Variants in CLSTN2 observed in about 807,000 individuals in gnomAD.
The protein encoded by CLSTN2 is calsyntenin-2.
CLSTN2 carries 48 observed loss-of-function variants against 101.2 expected under a neutral mutation model. The observed-to-expected ratio is 0.47, with a 90% confidence interval of 0.38 to 0.60. The LOEUF is 0.60. Among genes scored for constraint, CLSTN2 ranks in the 20% least tolerant of loss-of-function variants. CLSTN2 has a pLI of 0.00. For missense variants in CLSTN2, 1,160 were observed against 1,238.2 expected (o/e 0.94, Z 0.95); for synonymous variants, 481 against 463.6 (o/e 1.04, Z -0.48).
intron 2 of CLSTN2, among the ~76,000 whole-genome samples, chr3:140,277,110 G>A (rs2086802515): frequency 6.6e-6 from 1 of 152,202 alleles, no homozygotes; most frequent in African/African-American, 2.4e-5. Context: ...ATTACAGTAA[G>A]TCATAGATGC....
At chr3:140,563,031 G>T (rs756740818) in intron 14 of CLSTN2, 49 bp from the exon 15 acceptor site, 1 of 1,611,318 alleles carries the variant, frequency 6.2e-7, no homozygotes, top group Non-Finnish European at 8.5e-7. Flanking sequence ...GCTGTAACTG[G>T]CCCACCTGCC....
intron 1 of CLSTN2, among the ~76,000 whole-genome samples, chr3:140,045,768 G>C (rs1335631716): frequency 6.6e-6 from 1 of 152,082 alleles, no homozygotes; most frequent in African/African-American, 2.4e-5. Flanking sequence ...CCTTCATTTC[G>C]TTATGTACCC....
intron 1 of CLSTN2, among the ~76,000 whole-genome samples, chr3:140,164,258 C>A (rs952761119): frequency 6.6e-6 from 1 of 152,086 alleles, no homozygotes; most frequent in Non-Finnish European, 1.5e-5. Context: ...ATTTTTCCAG[C>A]CCTTGGGAGT....
chr3:140,420,122 G>A (rs2088484337), intron 4 of CLSTN2, among the ~76,000 whole-genome samples: 1 of 151,626 alleles, frequency 6.6e-6, no homozygotes, highest in African/African-American at 2.4e-5. Context: ...TCAAACTCCT[G>A]TCTTCAAGCC....
At chr3:140,305,029 C>CA (rs1338552403) in intron 2 of CLSTN2, among the ~76,000 whole-genome samples, 1 of 137,788 alleles carries the variant, frequency 7.3e-6, no homozygotes, top group Admixed American at 7.3e-5. Flanking sequence ...CAGAGACACA[C>CA]ACACACACAC....
At chr3:139,960,034 T>C (rs2107814084) in intron 1 of CLSTN2, among the ~76,000 whole-genome samples, 1 of 152,334 alleles carries the variant, frequency 6.6e-6, no homozygotes, top group East Asian at 1.9e-4. Flanking sequence ...CTCTCTACTT[T>C]ACCTCCCAAA....
At chr3:140,113,056 G>T (rs953101049) in intron 1 of CLSTN2, among the ~76,000 whole-genome samples, 1 of 152,106 alleles carries the variant, frequency 6.6e-6, no homozygotes, top group African/African-American at 2.4e-5. Context: ...CAGCTTGTGG[G>T]AACCAATTGT....
intron 2 of CLSTN2, among the ~76,000 whole-genome samples, chr3:140,190,742 A>G (rs146188419): frequency 2.2e-3 from 327 of 152,048 alleles, no homozygotes; most frequent in African/African-American, 7.7e-3. Flanking sequence ...TAGACATACA[A>G]TTTTTTTTAT....
At chr3:140,470,638 C>T (rs1015077011) in intron 8 of CLSTN2, among the ~76,000 whole-genome samples, 5 of 152,072 alleles carry the variant, frequency 3.3e-5, no homozygotes, top group African/African-American at 9.7e-5. Context: ...ATTGAGTTGG[C>T]GCTTTATCCC....
intron 1 of CLSTN2, among the ~76,000 whole-genome samples, chr3:140,032,029 C>G (rs1219333933): frequency 6.6e-6 from 1 of 152,146 alleles, no homozygotes; most frequent in East Asian, 1.9e-4. Context: ...ACATGGTGCT[C>G]TATACCCAGA....
At chr3:140,560,297 T>A (rs978021610) in intron 12 of CLSTN2, among the ~76,000 whole-genome samples, 11 of 152,196 alleles carry the variant, frequency 7.2e-5, no homozygotes, top group African/African-American at 2.2e-4. Flanking sequence ...GCTGCCCCCA[T>A]TGACATTCTC....
At chr3:140,249,526 C>T (rs560296530) in intron 2 of CLSTN2, among the ~76,000 whole-genome samples, 17 of 152,202 alleles carry the variant, frequency 1.1e-4, no homozygotes, top group African/African-American at 3.4e-4. Flanking sequence ...GGCATAGCAG[C>T]GAATGGCTTC....
chr3:140,343,471 C>A (rs1452922756), intron 2 of CLSTN2, among the ~76,000 whole-genome samples: 1 of 152,194 alleles, frequency 6.6e-6, no homozygotes, highest in African/African-American at 2.4e-5. Flanking sequence ...CATAAGATTG[C>A]ACGTAAGTCT....
chr3:140,289,972 C>A (rs1323391322), intron 2 of CLSTN2, among the ~76,000 whole-genome samples: 1 of 150,032 alleles, frequency 6.7e-6, no homozygotes, highest in African/African-American at 2.5e-5. Context: ...GTAAAAGGGT[C>A]TCAGAAGTCT....
intron 2 of CLSTN2, among the ~76,000 whole-genome samples, chr3:140,286,596 C>T (rs2086897909): frequency 6.6e-6 from 1 of 152,202 alleles, no homozygotes; most frequent in Non-Finnish European, 1.5e-5. Context: ...ACTCTGCCTC[C>T]CTCCTCAGCC....
intron 1 of CLSTN2, among the ~76,000 whole-genome samples, chr3:140,030,431 C>A (rs1045058187): frequency 6.6e-6 from 1 of 151,748 alleles, no homozygotes; most frequent in African/African-American, 2.4e-5. Flanking sequence ...AAGAAGTAGA[C>A]AGAAGGAGAG....
At chr3:140,108,183 TATC>T (rs1405690515) in intron 1 of CLSTN2, among the ~76,000 whole-genome samples, 3 of 152,208 alleles carry the variant, frequency 2.0e-5, no homozygotes, top group Admixed American at 6.5e-5. Flanking sequence ...AGAACCACCA[TATC>T]ATCAAGTTCT....
At chr3:140,121,852 A>G (rs1417093380) in intron 1 of CLSTN2, among the ~76,000 whole-genome samples, 1 of 152,200 alleles carries the variant, frequency 6.6e-6, no homozygotes, top group Non-Finnish European at 1.5e-5. Context: ...CTGGACATGC[A>G]TGAGGAGGAC....
intron 1 of CLSTN2, among the ~76,000 whole-genome samples, chr3:140,037,812 A>G (rs2007685069): frequency 6.6e-6 from 1 of 151,952 alleles, no homozygotes; most frequent in South Asian, 2.1e-4. Context: ...TTTTTTGTTC[A>G]TGTGTTAGTT....
Sources: gnomAD v4.1 joint callset for allele counts (sites outside exome capture counted in the v4.1 genomes callset) on GRCh38, gnomAD v4.1.1 for gene constraint, MANE v1.5 for transcripts, NCBI Gene and HGNC (gene_info 2026-07-23, HGNC 2026-07-21) for gene names.